ADGRL3: variants seen among roughly 807,000 people sequenced by gnomAD.
ADGRL3 encodes calcium-independent alpha-latrotoxin receptor 3.
A neutral mutation model predicts 153.5 loss-of-function variants in ADGRL3; 62 were observed. The ratio of observed to expected loss-of-function variants is 0.40; its 90% CI spans 0.33 to 0.50. The LOEUF is 0.50. ADGRL3 is among the 20% of genes least tolerant of loss of function. ADGRL3 has a pLI of 0.47. For missense variants in ADGRL3, 1,641 were observed against 1,859.4 expected (o/e 0.88, Z 2.16); for synonymous variants, 710 against 672.5 (o/e 1.06, Z -0.86).
chr4:61,457,851 CAGATAGATAGATAGATAGAT>C (rs149992520), intron 2 of ADGRL3, among the ~76,000 whole-genome samples: 40 of 146,166 alleles, frequency 2.7e-4, no homozygotes, highest in African/African-American at 9.5e-4. Flanking sequence ...TCACAGATGA[CAGATAGATAGATAGATAGAT>C]AGATAGATAG....
intron 9 of ADGRL3, among the ~76,000 whole-genome samples, chr4:61,821,307 C>T (rs1338195157): frequency 6.6e-6 from 1 of 151,180 alleles, no homozygotes; most frequent in Non-Finnish European, 1.5e-5. Context: ...ATATATTCCA[C>T]CTTCCAATAT....
intron 25 of ADGRL3, among the ~76,000 whole-genome samples, chr4:62,044,931 G>A (rs563314816): frequency 5.9e-5 from 9 of 152,058 alleles, no homozygotes; most frequent in Admixed American, 3.9e-4. Context: ...TAGTCTTTGC[G>A]GAAGTAAAAG....
Position 61,200,710 on chromosome 4 carries a change from G to A in ADGRL3, c.-1295G>A, listed in dbSNP as rs1413534099. On this transcript the variant is annotated 5_prime_UTR_variant, in exon 1 of 27. In the 5' UTR this introduces an upstream ATG that the reference lacks. Transcript: ENST00000683033. ...GGCAGGAGCTCGCTCGTGTGTGCGCGTGTGTGAGTGTGCGTGTCTGGAGAG... is the reference window on the plus strand; with the variant it reads ...GGCAGGAGCTCGCTCGTGTGTGCGCATGTGTGAGTGTGCGTGTCTGGAGAG... 1.3e-5 allele frequency among the ~76,000 whole-genome samples: 2 copies of A among 152,086 alleles called. No homozygotes were observed. The highest frequency in any genetic ancestry group is 2.9e-5 in the Non-Finnish European group (2 of 68,006).
rs187738283 is a variant in ADGRL3, at chr4:61,561,836, C to T, written c.260-25391C>T. 9.0e-4 allele frequency among the ~76,000 whole-genome samples: 137 copies of T among 152,000 alleles called. 1 individual carries two copies. Among genetic ancestry groups the T allele is most frequent in the African/African-American group, 3.0e-3 (126 of 41,434 alleles). ...TATTATTTTGGGAGGGATGAGTCCT[C>T]ACTATGTTGCCCAAGCTTGTCTCAA... On this transcript the variant is annotated intron_variant, in intron 4 of 26. Transcript: ENST00000683033.
At chr4:62,000,911 A>G (rs1238348297) in intron 21 of ADGRL3, among the ~76,000 whole-genome samples, 2 of 151,934 alleles carry the variant, frequency 1.3e-5, no homozygotes, top group Admixed American at 1.3e-4. Context: ...CATCCTTAGC[A>G]GCTGGAACCA....
chr4:61,513,202 C>T (rs2098472785), intron 3 of ADGRL3, among the ~76,000 whole-genome samples: 1 of 151,924 alleles, frequency 6.6e-6, no homozygotes, highest in South Asian at 2.1e-4. Context: ...CAAAGCTGCT[C>T]ATGTAAGAAG....
At chr4:61,423,152 C>G (rs529873466) in intron 2 of ADGRL3, among the ~76,000 whole-genome samples, 6 of 152,160 alleles carry the variant, frequency 3.9e-5, no homozygotes, top group Non-Finnish European at 8.8e-5. Context: ...CCAAATTTTG[C>G]AGTTTTACAT....
At chr4:61,546,811 A>T (rs2098715821) in intron 4 of ADGRL3, among the ~76,000 whole-genome samples, 1 of 152,224 alleles carries the variant, frequency 6.6e-6, no homozygotes, top group African/African-American at 2.4e-5. Flanking sequence ...TTGAAGAAAT[A>T]GTCCAGTATT....
chr4:61,862,670 C>T (rs1039852809), intron 9 of ADGRL3, among the ~76,000 whole-genome samples: 4 of 152,126 alleles, frequency 2.6e-5, no homozygotes, highest in East Asian at 1.9e-4. Flanking sequence ...GATCCCTGGA[C>T]GAGCAGCATT....
chr4:61,209,305 T>G (rs1738735624), intron 1 of ADGRL3, among the ~76,000 whole-genome samples: 1 of 152,134 alleles, frequency 6.6e-6, no homozygotes, highest in Non-Finnish European at 1.5e-5. Flanking sequence ...TGTGCAAGTT[T>G]CTGGCTCTGT....
intron 6 of ADGRL3, among the ~76,000 whole-genome samples, chr4:61,714,900 G>A (rs1020579902): frequency 3.9e-5 from 6 of 151,990 alleles, no homozygotes; most frequent in Non-Finnish European, 7.4e-5. Context: ...ACTTTTTAGG[G>A]GATCCCAAAC....
intron 25 of ADGRL3, among the ~76,000 whole-genome samples, chr4:62,067,712 A>G (rs1286227467): frequency 1.3e-5 from 2 of 152,226 alleles, no homozygotes; most frequent in African/African-American, 2.4e-5. Context: ...TCTGTATAAA[A>G]GCTTCAGATT....
At chr4:61,900,523 A>G (rs141833547) in intron 11 of ADGRL3, among the ~76,000 whole-genome samples, 2 of 152,334 alleles carry the variant, frequency 1.3e-5, no homozygotes, top group South Asian at 2.1e-4. Flanking sequence ...GCTGGAATAC[A>G]TTCATAAAGA....
intron 5 of ADGRL3, among the ~76,000 whole-genome samples, chr4:61,664,856 C>T (rs941858919): frequency 5.3e-5 from 8 of 152,078 alleles, no homozygotes; most frequent in Admixed American, 5.2e-4. Context: ...TGTTTGCCTA[C>T]CACAAACCCA....
At chr4:61,749,161 T>C (rs1217905397) in intron 8 of ADGRL3, among the ~76,000 whole-genome samples, 1 of 152,022 alleles carries the variant, frequency 6.6e-6, no homozygotes, top group East Asian at 1.9e-4. Context: ...CGCAATGAGA[T>C]ACCATCTCAC....
At chr4:61,251,845 A>G (rs10009337) in intron 1 of ADGRL3, among the ~76,000 whole-genome samples, 3,374 of 148,680 alleles carry the variant, frequency 0.023, 128 homozygotes, top group African/African-American at 0.076. Flanking sequence ...TTTTTCTTGC[A>G]GAAGTTTCTT....
intron 1 of ADGRL3, among the ~76,000 whole-genome samples, chr4:61,236,008 C>CTTTTTTTTTTTTTTTTTTT (rs55932029): frequency 1.8e-4 from 17 of 95,900 alleles, no homozygotes; most frequent in South Asian, 4.0e-4. Flanking sequence ...CTTTTCTTTT[C>CTTTTTTTTTTTTTTTTTTT]TTTTTTTTTT....
intron 17 of ADGRL3, among the ~76,000 whole-genome samples, chr4:61,956,523 A>G (rs76427485): frequency 1.1e-4 from 16 of 152,158 alleles, no homozygotes; most frequent in African/African-American, 2.7e-4. Flanking sequence ...TTCACTGTGC[A>G]GAAGCTCTTT....
intron 19 of ADGRL3, among the ~76,000 whole-genome samples, chr4:61,986,027 G>T (rs1254486101): frequency 6.6e-6 from 1 of 150,424 alleles, no homozygotes; most frequent in Non-Finnish European, 1.5e-5. Context: ...ATATATTCAT[G>T]TAACATAAAA....
Sources: gnomAD v4.1 joint callset for allele counts (sites outside exome capture counted in the v4.1 genomes callset) on GRCh38, gnomAD v4.1.1 for gene constraint, MANE v1.5 for transcripts, NCBI Gene and HGNC (gene_info 2026-07-23, HGNC 2026-07-21) for gene names.